Variants in ZNF385B observed in about 807,000 individuals in gnomAD.
ZNF385B encodes the protein zinc finger protein 385B, also known as zinc finger protein 533.
A neutral mutation model predicts 39.2 loss-of-function variants in ZNF385B; 23 were observed. That is an observed-to-expected ratio of 0.59 (90% confidence interval 0.42 to 0.83). The LOEUF is 0.83. ZNF385B is among the 40% of genes least tolerant of loss of function. The pLI, the probability that ZNF385B is intolerant of heterozygous loss-of-function variation, is 0.00. For synonymous variants in ZNF385B, 205 were observed against 222.6 expected (o/e 0.92, Z 0.70); for missense variants, 552 against 598.9 (o/e 0.92, Z 0.82).
At chr2:179,504,437 C>T (rs927573055) in intron 5 of ZNF385B, among the ~76,000 whole-genome samples, 2 of 152,076 alleles carry the variant, frequency 1.3e-5, no homozygotes, top group African/African-American at 4.8e-5. Context: ...TTCTAGATCC[C>T]TGAGGAATCG....
chr2:179,845,844 C>T (rs1325820416), intron 1 of ZNF385B, among the ~76,000 whole-genome samples: 1 of 152,158 alleles, frequency 6.6e-6, no homozygotes, highest in African/African-American at 2.4e-5. Flanking sequence ...GTCTGGATAT[C>T]TTAGAACAAA....
In ZNF385B at chr2:179,808,168, G is replaced by T. The variant is rs1048898485; in HGVS notation, c.-154-37496C>A. On this transcript the variant is annotated intron_variant, in intron 1 of 9. Coordinates refer to ENST00000410066, the MANE Select transcript of ZNF385B (RefSeq NM_152520.6). ...CTGCCTTAGCCTCCCCAGCAGCTGG[G>T]ACTACAGGCGCACGCCGCCACGCCT... 5.3e-5 allele frequency among the ~76,000 whole-genome samples: 8 copies of T among 151,930 alleles called. No homozygotes were observed. The South Asian group carries it at 1.7e-3, about 32-fold the overall frequency.
chr2:179,758,441 G>A (rs1332631917), intron 3 of ZNF385B, among the ~76,000 whole-genome samples: 1 of 152,156 alleles, frequency 6.6e-6, no homozygotes, highest in South Asian at 2.1e-4. Flanking sequence ...AGATCTTGAA[G>A]CCTCTTTTAT....
At chr2:179,569,459 G>T (rs999978120) in intron 3 of ZNF385B, among the ~76,000 whole-genome samples, 5 of 152,122 alleles carry the variant, frequency 3.3e-5, no homozygotes, top group African/African-American at 4.8e-5. Context: ...AAATCATGAG[G>T]AAAATCTAAA....
At chr2:179,607,801 T>C (rs1262923860) in intron 3 of ZNF385B, among the ~76,000 whole-genome samples, 1 of 152,154 alleles carries the variant, frequency 6.6e-6, no homozygotes, top group Non-Finnish European at 1.5e-5. Context: ...TCTGTGTTTC[T>C]GCTGACAGAC....
intron 3 of ZNF385B, among the ~76,000 whole-genome samples, chr2:179,747,455 T>A (rs1702447641): frequency 6.6e-6 from 1 of 152,116 alleles, no homozygotes; most frequent in African/African-American, 2.4e-5. Context: ...AACATTTGAA[T>A]GTATTATGAG....
chr2:179,582,931 C>A (rs1417232370), intron 3 of ZNF385B, among the ~76,000 whole-genome samples: 1 of 152,132 alleles, frequency 6.6e-6, no homozygotes, highest in African/African-American at 2.4e-5. Flanking sequence ...TTCACTGCAA[C>A]CTCTGCCTCC....
At chr2:179,813,517 A>T (rs952813819) in intron 1 of ZNF385B, among the ~76,000 whole-genome samples, 1 of 152,210 alleles carries the variant, frequency 6.6e-6, no homozygotes, top group Admixed American at 6.5e-5. Context: ...ACAAAAAACT[A>T]CCAAAACGTC....
intron 5 of ZNF385B, among the ~76,000 whole-genome samples, chr2:179,488,179 CTG>C (rs2054808858): frequency 6.6e-6 from 1 of 152,098 alleles, no homozygotes; most frequent in Non-Finnish European, 1.5e-5. Flanking sequence ...GAGCCTCACT[CTG>C]TTGCCAGGCT....
intron 3 of ZNF385B, among the ~76,000 whole-genome samples, chr2:179,754,924 T>C (rs1168052429): frequency 1.3e-5 from 2 of 152,220 alleles, no homozygotes; most frequent in African/African-American, 2.4e-5. Context: ...TTTGTGTCTC[T>C]ATCTCCTTCA....
chr2:179,473,565 G>A (rs1160516051), intron 6 of ZNF385B, among the ~76,000 whole-genome samples: 1 of 152,158 alleles, frequency 6.6e-6, no homozygotes, highest in Non-Finnish European at 1.5e-5. Context: ...GGATACACGT[G>A]CAGAACGTGC....
At chr2:179,607,562 AGCAGTGT>A (rs1013957485) in intron 3 of ZNF385B, among the ~76,000 whole-genome samples, 6 of 152,152 alleles carry the variant, frequency 3.9e-5, no homozygotes, top group African/African-American at 1.4e-4. Flanking sequence ...AGTTCTTTAT[AGCAGTGT>A]GAAAATGGGC....
chr2:179,667,992 C>G (rs1695397646), intron 3 of ZNF385B, among the ~76,000 whole-genome samples: 1 of 152,174 alleles, frequency 6.6e-6, no homozygotes, highest in African/African-American at 2.4e-5. Flanking sequence ...AAATCCTAAT[C>G]AAGAGAAAAT....
At chr2:179,693,661 T>C (rs1348942264) in intron 3 of ZNF385B, among the ~76,000 whole-genome samples, 1 of 152,218 alleles carries the variant, frequency 6.6e-6, no homozygotes, top group Non-Finnish European at 1.5e-5. Flanking sequence ...CTGAAACTGA[T>C]AAACATGTAA....
At chr2:179,582,279 A>G (rs1203831446) in intron 3 of ZNF385B, among the ~76,000 whole-genome samples, 1 of 152,200 alleles carries the variant, frequency 6.6e-6, no homozygotes, top group Non-Finnish European at 1.5e-5. Flanking sequence ...ATTTCCTTAG[A>G]TTAGCATTAG....
chr2:179,637,721 TG>T lies in ZNF385B; in HGVS notation c.299-92753del, dbSNP rs1691889140. Among the ~76,000 whole-genome samples, 3 of 47,102 alleles carry T rather than the reference TG, an allele frequency of 6.4e-5. No individual in the cohort carries two copies. In the Admixed American group the frequency reaches 9.3e-4, roughly 15 times the overall value. 30.9% of individuals were successfully genotyped at this position (47,102 alleles called of 152,430 possible). On this transcript the variant is annotated intron_variant, in intron 3 of 9. Coordinates refer to ENST00000410066, the MANE Select transcript of ZNF385B (RefSeq NM_152520.6). ...CTGGTTGCAACTAGCAAATGTGGGG[TG>T]GGGTGGGGTGGGGACCAGGATTTGC...
At chr2:179,683,469 A>AT (rs747411938) in intron 3 of ZNF385B, among the ~76,000 whole-genome samples, 32 of 150,062 alleles carry the variant, frequency 2.1e-4, no homozygotes, top group South Asian at 6.3e-4. Flanking sequence ...TCATGTTTAC[A>AT]TTTTTGAATT....
At chr2:179,747,769 C>T (rs944086377) in intron 3 of ZNF385B, among the ~76,000 whole-genome samples, 3 of 152,046 alleles carry the variant, frequency 2.0e-5, no homozygotes, top group African/African-American at 2.4e-5. Flanking sequence ...TAATACTCTA[C>T]GTATGCCAGG....
chr2:179,663,713 C>CAAAAAAAAAAAAAAA (rs71401756), intron 3 of ZNF385B, among the ~76,000 whole-genome samples: 10 of 67,736 alleles, frequency 1.5e-4, no homozygotes, highest in African/African-American at 6.8e-4. Flanking sequence ...GACTCCGTCT[C>CAAAAAAAAAAAAAAA]AAAAAAAAAA....
Sources: allele counts gnomAD v4.1 joint callset (sites outside exome capture counted in the v4.1 genomes callset), GRCh38; gene constraint gnomAD v4.1.1; transcripts MANE v1.5; gene names NCBI Gene and HGNC (gene_info 2026-07-23, HGNC 2026-07-21).